KCND2: variants seen among roughly 807,000 people sequenced by gnomAD.
KCND2 encodes A-type voltage-gated potassium channel KCND2.
KCND2 carries 16 observed loss-of-function variants against 54.4 expected under a neutral mutation model. That is an observed-to-expected ratio of 0.29 (90% confidence interval 0.20 to 0.45). The LOEUF (loss-of-function observed/expected upper bound fraction) is 0.45, where lower values mean the gene tolerates loss of function less well. Ranked by LOEUF, KCND2 falls within the 20% of genes least tolerant of loss-of-function variation. The probability of loss-of-function intolerance (pLI) is 1.00; values close to 1 mark genes in which losing one functional copy is unlikely to be tolerated. For synonymous variants in KCND2, 317 were observed against 310.7 expected (o/e 1.02, Z -0.21); for missense variants, 486 against 824.2 (o/e 0.59, Z 5.02).
intron 1 of KCND2, among the ~76,000 whole-genome samples, chr7:120,307,734 T>C (rs1038798816): frequency 6.6e-6 from 1 of 152,060 alleles, no homozygotes; most frequent in African/African-American, 2.4e-5. Context: ...ACGTGTAAAA[T>C]TGGAATTACT....
chr7:120,507,806 A>G (rs1158587966), intron 1 of KCND2, among the ~76,000 whole-genome samples: 1 of 151,822 alleles, frequency 6.6e-6, no homozygotes, highest in African/African-American at 2.4e-5. Flanking sequence ...TTACACTAAA[A>G]CCTGATAATT....
chr7:120,491,256 G>C (rs1032159737), intron 1 of KCND2, among the ~76,000 whole-genome samples: 1 of 152,050 alleles, frequency 6.6e-6, no homozygotes, highest in Non-Finnish European at 1.5e-5. Context: ...GTCTTGCTGG[G>C]TAAGTCCATA....
intron 1 of KCND2, among the ~76,000 whole-genome samples, chr7:120,622,319 ATGTATT>A (rs1219627880): frequency 6.6e-6 from 1 of 152,142 alleles, no homozygotes; most frequent in East Asian, 1.9e-4. Context: ...ATGAAGACTA[ATGTATT>A]TGGATTCATA....
chr7:120,286,988 G>T (rs1341726134), intron 1 of KCND2, among the ~76,000 whole-genome samples: 1 of 151,952 alleles, frequency 6.6e-6, no homozygotes, highest in African/African-American at 2.4e-5. Flanking sequence ...ACAAAGAAAA[G>T]CAGGAAGTAT....
chr7:120,635,914 T>C lies in KCND2; in HGVS notation c.1116-96989T>C, dbSNP rs529047756. On this transcript the variant is annotated intron_variant, in intron 1 of 5. Transcript: ENST00000331113. ...TTTCAAAACATTTAAAACAATGGAA[T>C]AGGAAGATTTCAAATGATGAATATT... is the stretch of plus-strand genomic sequence containing the variant. Among the ~76,000 whole-genome samples the C allele has an allele frequency of 1.3e-3, 196 of 152,284 alleles. 1 individual carries two copies. The highest frequency in any genetic ancestry group is 4.2e-3 in the African/African-American group (175 of 41,562).
chr7:120,485,976 T>G (rs1802687942), intron 1 of KCND2, among the ~76,000 whole-genome samples: 1 of 152,106 alleles, frequency 6.6e-6, no homozygotes, highest in Non-Finnish European at 1.5e-5. Flanking sequence ...CACCCAAGAG[T>G]TATTGTGTTT....
In KCND2 at chr7:120,749,211, T is replaced by G. The variant is rs1793043347; in HGVS notation, c.*1353T>G. 1 of 151,962 alleles carries G rather than the reference T, an allele frequency of 6.6e-6. No homozygotes were observed. The allele number at this position is 151,962 out of a possible 1,614,324, so 9.4% of individuals were successfully genotyped here. Reference sequence around the variant, plus strand: ...CTGGAGTGCTTTATTTAGCAATATTTGATGAAAGCATGCTTTCTACGCCAT... The same window carrying G: ...CTGGAGTGCTTTATTTAGCAATATTGGATGAAAGCATGCTTTCTACGCCAT... On this transcript the variant is annotated 3_prime_UTR_variant, in exon 6 of 6. Transcript: ENST00000331113.
intron 1 of KCND2, among the ~76,000 whole-genome samples, chr7:120,554,699 C>T (rs1360129081): frequency 6.6e-6 from 1 of 152,156 alleles, no homozygotes; most frequent in African/African-American, 2.4e-5. Context: ...TGAGCCACCG[C>T]GCCTGGCCGA....
intron 1 of KCND2, among the ~76,000 whole-genome samples, chr7:120,519,628 TC>T (rs1791663685): frequency 6.6e-6 from 1 of 152,160 alleles, no homozygotes; most frequent in Non-Finnish European, 1.5e-5. Flanking sequence ...TAATAAATTG[TC>T]TTTTAAGCCA....
intron 1 of KCND2, among the ~76,000 whole-genome samples, chr7:120,561,716 AT>A (rs1170390996): frequency 7.2e-6 from 1 of 138,902 alleles, no homozygotes; most frequent in African/African-American, 2.7e-5. Context: ...GGTACAAGCG[AT>A]TCTGCTGTCC....
intron 1 of KCND2, among the ~76,000 whole-genome samples, chr7:120,654,727 C>A (rs1015225432): frequency 6.6e-6 from 1 of 151,946 alleles, no homozygotes; most frequent in Non-Finnish European, 1.5e-5. Context: ...CCAAGCAAAT[C>A]AGTAAAGTGC....
intron 1 of KCND2, among the ~76,000 whole-genome samples, chr7:120,506,075 A>G (rs936327783): frequency 1.3e-5 from 2 of 151,742 alleles, no homozygotes; most frequent in African/African-American, 4.8e-5. Flanking sequence ...AAAAAACACA[A>G]TCTTACCTTC....
intron 2 of KCND2, chr7:120,740,942 G>A: frequency 4.4e-6 from 2 of 452,992 alleles, no homozygotes; most frequent in South Asian, 3.1e-5. Flanking sequence ...TTTAGAGAGA[G>A]AGTCCATGTT....
At chr7:120,353,308 A>G (rs1398124433) in intron 1 of KCND2, among the ~76,000 whole-genome samples, 2 of 151,832 alleles carry the variant, frequency 1.3e-5, no homozygotes, top group African/African-American at 4.8e-5. Context: ...AAACCTACCT[A>G]CAGTAGGACA....
At chr7:120,376,633 T>C (rs1800838838) in intron 1 of KCND2, among the ~76,000 whole-genome samples, 1 of 151,632 alleles carries the variant, frequency 6.6e-6, no homozygotes, top group Admixed American at 6.6e-5. Flanking sequence ...TTACCCTCTT[T>C]GAAATATTGA....
At chr7:120,653,330 G>T (rs921905319) in intron 1 of KCND2, among the ~76,000 whole-genome samples, 1 of 151,846 alleles carries the variant, frequency 6.6e-6, no homozygotes, top group Non-Finnish European at 1.5e-5. Context: ...ATAGATGCAG[G>T]CCACCACATC....
intron 1 of KCND2, among the ~76,000 whole-genome samples, chr7:120,593,542 C>T (rs112136549): frequency 9.2e-5 from 14 of 152,130 alleles, no homozygotes; most frequent in South Asian, 4.2e-4. Context: ...AGCTACAAAC[C>T]GAGCTAATAG....
chr7:120,401,510 G>A (rs1366383004), intron 1 of KCND2, among the ~76,000 whole-genome samples: 1 of 152,046 alleles, frequency 6.6e-6, no homozygotes. Flanking sequence ...TATTTCTAGG[G>A]AGCACACAGT....
chr7:120,526,103 T>C (rs922532060), intron 1 of KCND2, among the ~76,000 whole-genome samples: 1 of 152,128 alleles, frequency 6.6e-6, no homozygotes, highest in Non-Finnish European at 1.5e-5. Context: ...CAATGCCCTC[T>C]CCCCAGGTCA....
Sources: gnomAD v4.1 joint callset for allele counts (sites outside exome capture counted in the v4.1 genomes callset) on GRCh38, gnomAD v4.1.1 for gene constraint, MANE v1.5 for transcripts, NCBI Gene and HGNC (gene_info 2026-07-23, HGNC 2026-07-21) for gene names.